Variants in GALNTL6 observed in about 807,000 individuals in gnomAD.
GALNTL6 encodes polypeptide N-acetylgalactosaminyltransferase like 6, also known as polypeptide N-acetylgalactosaminyltransferase-like 6.
GALNTL6 carries 46 observed loss-of-function variants against 73.7 expected under a neutral mutation model. That is an observed-to-expected ratio of 0.62 (90% CI 0.49 to 0.80). The LOEUF is 0.80. GALNTL6 is among the 30% of genes least tolerant of loss of function. GALNTL6 has a pLI of 0.00. For synonymous variants in GALNTL6, 259 were observed against 263.7 expected (o/e 0.98, Z 0.17); for missense variants, 604 against 755.0 (o/e 0.80, Z 2.34).
chr4:172,863,183 G>A (rs1220961193), intron 7 of GALNTL6, among the ~76,000 whole-genome samples: 1 of 152,234 alleles, frequency 6.6e-6, no homozygotes, highest in African/African-American at 2.4e-5. Flanking sequence ...ACCTCTGCTA[G>A]GGCAGTGAAA....
chr4:172,002,029 G>T (rs773386429), intron 2 of GALNTL6, among the ~76,000 whole-genome samples: 3 of 152,120 alleles, frequency 2.0e-5, no homozygotes, highest in South Asian at 4.1e-4. Flanking sequence ...TAAGGCTTAT[G>T]GTGGGGGAAA....
At chr4:172,206,184 G>T (rs891467437) in intron 2 of GALNTL6, among the ~76,000 whole-genome samples, 3 of 152,160 alleles carry the variant, frequency 2.0e-5, no homozygotes, top group African/African-American at 7.2e-5. Flanking sequence ...CAGTAGAAGT[G>T]CATTCTAATT....
intron 2 of GALNTL6, among the ~76,000 whole-genome samples, chr4:172,056,165 T>C (rs536990393): frequency 6.6e-6 from 1 of 152,286 alleles, no homozygotes; most frequent in Admixed American, 6.5e-5. Flanking sequence ...AATGCTGCCA[T>C]TTAGCCATTT....
chr4:172,229,647 T>C lies in GALNTL6; in HGVS notation c.139-9T>C. The C allele has an allele frequency of 6.3e-7, 1 of 1,592,340 alleles. No homozygotes were observed. The highest frequency in any genetic ancestry group is 2.2e-5 in the East Asian group (1 of 44,770). On this transcript the variant is annotated splice_polypyrimidine_tract_variant and intron_variant, in intron 2 of 12. Coordinates refer to ENST00000506823, the MANE Select transcript of GALNTL6 (RefSeq NM_001034845.3). ...CCTTTTTATGCTTGAATACTTTCCT[T>C]TTCCACAGACATTTCCACTGGGCCT...
intron 2 of GALNTL6, among the ~76,000 whole-genome samples, chr4:171,975,342 A>G (rs1204340713): frequency 1.3e-5 from 2 of 152,178 alleles, no homozygotes; most frequent in Non-Finnish European, 2.9e-5. Context: ...GTTCTGCCTG[A>G]AAATAATTAT....
rs187436486 is a variant in GALNTL6 at position 173,034,924 on chromosome 4, T to C, written c.1639-5009T>C. Among the ~76,000 whole-genome samples the C allele has an allele frequency of 4.6e-4, 70 of 152,322 alleles. 2 individuals are homozygous for C. In the East Asian group the frequency reaches 0.013, roughly 29 times the overall value. ...TATTCCAAGCACCTAAAATAGTGCC[T>C]GGCAAATAGCAGGTGCCCAATATAT... On this transcript the variant is annotated intron_variant, in intron 12 of 12. Coordinates refer to ENST00000506823, the MANE Select transcript of GALNTL6 (RefSeq NM_001034845.3).
At chr4:172,192,453 G>A (rs554590758) in intron 2 of GALNTL6, among the ~76,000 whole-genome samples, 1 of 151,996 alleles carries the variant, frequency 6.6e-6, no homozygotes. Flanking sequence ...AACGGCAAGT[G>A]AATCCTGCAC....
At chr4:172,885,344 C>A (rs1745664238) in intron 8 of GALNTL6, among the ~76,000 whole-genome samples, 1 of 151,924 alleles carries the variant, frequency 6.6e-6, no homozygotes, top group African/African-American at 2.4e-5. Flanking sequence ...TAAATTTATT[C>A]TTAGGTATTT....
At chr4:172,305,439 T>G (rs558984129) in intron 3 of GALNTL6, among the ~76,000 whole-genome samples, 27 of 152,274 alleles carry the variant, frequency 1.8e-4, no homozygotes, top group African/African-American at 6.5e-4. Flanking sequence ...GGTACACTAA[T>G]TCTCATATTT....
intron 2 of GALNTL6, among the ~76,000 whole-genome samples, chr4:171,965,303 A>T (rs985263037): frequency 6.6e-6 from 1 of 152,196 alleles, no homozygotes; most frequent in African/African-American, 2.4e-5. Context: ...ACAATAGTGG[A>T]TATGAAGTGA....
chr4:171,824,601 C>A (rs1734775569), intron 2 of GALNTL6, among the ~76,000 whole-genome samples: 1 of 151,956 alleles, frequency 6.6e-6, no homozygotes, highest in Non-Finnish European at 1.5e-5. Flanking sequence ...AGAGAAAAAG[C>A]ATGTTCCTAT....
intron 2 of GALNTL6, among the ~76,000 whole-genome samples, chr4:172,176,136 G>A (rs189907638): frequency 0.014 from 2,182 of 151,718 alleles, 22 homozygotes; most frequent in Middle Eastern, 0.038. Flanking sequence ...TCAGGAGATC[G>A]AGACCATCCT....
At chr4:171,837,981 A>G (rs1207712726) in intron 2 of GALNTL6, among the ~76,000 whole-genome samples, 1 of 151,648 alleles carries the variant, frequency 6.6e-6, no homozygotes, top group Non-Finnish European at 1.5e-5. Flanking sequence ...TCCAAGATAA[A>G]TGCTGTGTTT....
At chr4:172,882,660 A>G in intron 7 of GALNTL6, 130 bp from the exon 8 acceptor site, 2 of 677,258 alleles carry the variant, frequency 3.0e-6, no homozygotes, top group Admixed American at 2.1e-5. Flanking sequence ...CCACTTACAG[A>G]AAACCAGTGC....
chr4:172,226,557 C>CTGTG (rs34352455), intron 2 of GALNTL6, among the ~76,000 whole-genome samples: 151 of 146,598 alleles, frequency 1.0e-3, no homozygotes, highest in African/African-American at 3.4e-3. Context: ...GAAAGAAGTT[C>CTGTG]TGTGTGTGTG....
intron 2 of GALNTL6, among the ~76,000 whole-genome samples, chr4:171,827,047 C>A (rs991948666): frequency 2.0e-5 from 3 of 152,044 alleles, no homozygotes; most frequent in Non-Finnish European, 4.4e-5. Flanking sequence ...AACTTGAGAA[C>A]AGCCACCTGG....
intron 5 of GALNTL6, among the ~76,000 whole-genome samples, chr4:172,368,735 C>T (rs965056885): frequency 6.7e-6 from 1 of 149,280 alleles, no homozygotes; most frequent in Non-Finnish European, 1.5e-5. Context: ...TCTGGAGTTT[C>T]TTCCCTCTGG....
chr4:171,922,639 C>T (rs7678347), intron 2 of GALNTL6, among the ~76,000 whole-genome samples: 4,339 of 151,628 alleles, frequency 0.029, 207 homozygotes, highest in African/African-American at 0.1. Context: ...TGGAATATTG[C>T]GGAATAATTT....
intron 5 of GALNTL6, among the ~76,000 whole-genome samples, chr4:172,450,961 T>TA (rs1732186485): frequency 6.6e-6 from 1 of 152,232 alleles, no homozygotes; most frequent in African/African-American, 2.4e-5. Context: ...TTTATGTACT[T>TA]ACTGTCTGTC....
Sources: gnomAD v4.1 joint callset for allele counts (sites outside exome capture counted in the v4.1 genomes callset) on GRCh38, gnomAD v4.1.1 for gene constraint, MANE v1.5 for transcripts, NCBI Gene and HGNC (gene_info 2026-07-23, HGNC 2026-07-21) for gene names.